The following EML5 variants were observed in gnomAD, a reference collection of about 807,000 sequenced individuals.
EML5 encodes the protein EMAP like 5, also known as echinoderm microtubule-associated protein-like 5.
EML5 carries 120 observed loss-of-function variants against 250.0 expected under a neutral mutation model. The ratio of observed to expected loss-of-function variants is 0.48; its 90% CI spans 0.41 to 0.56. The LOEUF is 0.56. EML5 is among the 20% of genes least tolerant of loss of function. The pLI, the probability that EML5 is intolerant of heterozygous loss-of-function variation, is 0.00. For synonymous variants in EML5, 771 were observed against 806.5 expected, an observed-to-expected ratio of 0.96 and a Z score of 0.75; for missense variants, 2,006 against 2,437.6, an observed-to-expected ratio of 0.82 and a Z score of 3.73.
chr14:88,780,563 T>C (rs1281001854), intron 1 of EML5, among the ~76,000 whole-genome samples: 3 of 151,520 alleles, frequency 2.0e-5, no homozygotes, highest in Non-Finnish European at 4.4e-5. Context: ...AGTTGATGTT[T>C]ATAAAAAATC....
intron 1 of EML5, among the ~76,000 whole-genome samples, chr14:88,790,655 C>G (rs553950541): frequency 1.3e-5 from 2 of 152,282 alleles, no homozygotes; most frequent in South Asian, 4.1e-4. Context: ...TTCAACCTAA[C>G]AGACTAAATT....
chr14:88,615,672 A>C lies in EML5; in HGVS notation c.*146T>G. On this transcript the variant is annotated 3_prime_UTR_variant, in exon 44 of 44. Transcript: ENST00000554922. ...ATATAGCAAATATTTTGAACAGATC[A>C]GTCTTTCACTATTTTGATGATTCTG... The C allele has an allele frequency of 1.4e-6, 1 of 694,880 alleles. No homozygotes were observed. The highest frequency in any genetic ancestry group is 2.4e-6 in the Non-Finnish European group (1 of 414,328). 43.0% of individuals were successfully genotyped at this position (694,880 alleles called of 1,614,324 possible).
chr14:88,686,086 A>G (rs1338534387), intron 19 of EML5, among the ~76,000 whole-genome samples: 1 of 152,168 alleles, frequency 6.6e-6, no homozygotes, highest in Non-Finnish European at 1.5e-5. Context: ...GGGAGCACAG[A>G]GCAGTGGAAT....
chr14:88,792,700 C>T lies in EML5; in HGVS notation c.-197G>A. 8.9e-7 allele frequency: 1 copy of T among 1,121,000 alleles called. No homozygotes were observed. The highest frequency in any genetic ancestry group is 1.1e-6 in the Non-Finnish European group (1 of 918,126). 69.4% of individuals were successfully genotyped at this position (1,121,000 alleles called of 1,614,324 possible). The stretch of plus-strand genomic sequence containing the variant: ...ACAGGCGGGAGGAAAACCCTCGCCT[C>T]GCGGAACATGCTGAGGGCCGCGAGC... On this transcript the variant is annotated 5_prime_UTR_variant, in exon 1 of 44. Coordinates refer to ENST00000554922, the MANE Select transcript of EML5 (RefSeq NM_183387.3). The surrounding 1 kb of genome is among the most constrained non-coding windows in gnomAD (Gnocchi z 6.9).
At chr14:88,736,240 C>T in intron 7 of EML5, 124 bp downstream of exon 7, 1 of 1,015,822 alleles carries the variant, frequency 9.8e-7, no homozygotes, top group Non-Finnish European at 1.5e-6. Context: ...ACCTTGTGAT[C>T]TGCCCGCCTT....
At position 88,702,489 on chromosome 14, in the gene EML5, C is replaced by G. The variant is rs757346010; in HGVS notation, c.2195G>C (p.Cys732Ser). The change falls in exon 14 of 44, where the codon TGC (cysteine) becomes TCC (serine). Residue 732 changes from cysteine (C) to serine (S), a missense_variant. Cys to Ser is a moderately radical substitution (Grantham distance 112). Transcript: ENST00000554922. The part of the protein sequence containing the change: ...FYLGHDDDIL[C>S]LTIHPLKDYV... Reference sequence around the variant, plus strand: ...GTCTTTCAAAGGATGAATAGTTAGGCAGAGAATATCATCATCATGACCCAG... The same window carrying G: ...GTCTTTCAAAGGATGAATAGTTAGGGAGAGAATATCATCATCATGACCCAG... 1.2e-6 allele frequency: 2 copies of G among 1,613,194 alleles called. No homozygotes were observed. The highest frequency in any genetic ancestry group is 1.7e-6 in the Non-Finnish European group (2 of 1,179,514).
At chr14:88,706,939 T>G (rs1008525948) in intron 10 of EML5, among the ~76,000 whole-genome samples, 3 of 152,226 alleles carry the variant, frequency 2.0e-5, no homozygotes, top group Non-Finnish European at 4.4e-5. Flanking sequence ...ATCAATGTAA[T>G]GCATCATATT....
chr14:88,741,078 G>T (rs557236917), intron 4 of EML5, among the ~76,000 whole-genome samples: 1 of 152,018 alleles, frequency 6.6e-6, no homozygotes, highest in African/African-American at 2.4e-5. Flanking sequence ...CACAAGAATC[G>T]CTTGATATCA....
At chr14:88,638,955 C>T in intron 31 of EML5, 48 bp from the exon 32 acceptor site, 1 of 1,385,180 alleles carries the variant, frequency 7.2e-7, no homozygotes, top group Non-Finnish European at 9.9e-7. Context: ...TAAGATGTAA[C>T]AGCCAAAAGC....
At chr14:88,663,844 A>G (rs904167867) in intron 23 of EML5, among the ~76,000 whole-genome samples, 10 of 151,938 alleles carry the variant, frequency 6.6e-5, no homozygotes, top group African/African-American at 2.2e-4. Flanking sequence ...CAACATTTCT[A>G]TATTCTATTT....
chr14:88,755,535 A>G (rs955104232), intron 1 of EML5, among the ~76,000 whole-genome samples: 1 of 152,202 alleles, frequency 6.6e-6, no homozygotes, highest in Non-Finnish European at 1.5e-5. Flanking sequence ...AGTTGGTAAT[A>G]GTTTATGTAC....
intron 1 of EML5, among the ~76,000 whole-genome samples, chr14:88,776,597 T>C (rs769150658): frequency 5.9e-5 from 9 of 151,596 alleles, no homozygotes; most frequent in Non-Finnish European, 1.2e-4. Flanking sequence ...AACAATGAAG[T>C]GGGTCGGGCA....
intron 8 of EML5, among the ~76,000 whole-genome samples, chr14:88,719,297 G>T (rs2093553110): frequency 6.7e-6 from 1 of 150,240 alleles, no homozygotes; most frequent in Non-Finnish European, 1.5e-5. Flanking sequence ...GAGATGGGAG[G>T]ATCGCTTGAG....
At chr14:88,691,838 A>C (rs1284466883) in intron 17 of EML5, among the ~76,000 whole-genome samples, 3 of 152,200 alleles carry the variant, frequency 2.0e-5, no homozygotes, top group African/African-American at 7.2e-5. Flanking sequence ...ATGCTCACCA[A>C]AGCCTTAACA....
chr14:88,717,189 TCAG>T (rs1327827226), intron 8 of EML5, among the ~76,000 whole-genome samples: 2 of 152,170 alleles, frequency 1.3e-5, no homozygotes, highest in Non-Finnish European at 2.9e-5. Context: ...GAGATTTAGC[TCAG>T]CAGAAGATAG....
intron 22 of EML5, 26 bp from the exon 23 acceptor site, chr14:88,664,650 C>A (rs1370753729): frequency 6.3e-7 from 1 of 1,592,340 alleles, no homozygotes; most frequent in Admixed American, 1.8e-5. Context: ...ATTTGCTTGA[C>A]ATTTTCTATC....
intron 13 of EML5, among the ~76,000 whole-genome samples, chr14:88,703,712 A>G (rs753689102): frequency 2.0e-5 from 3 of 152,206 alleles, no homozygotes; most frequent in Non-Finnish European, 4.4e-5. Context: ...TGTTTCTGCC[A>G]AGCTGAAATG....
At chr14:88,640,895 A>G (rs1167750400) in intron 31 of EML5, among the ~76,000 whole-genome samples, 2 of 152,102 alleles carry the variant, frequency 1.3e-5, no homozygotes, top group African/African-American at 4.8e-5. Flanking sequence ...TCCCACAAGA[A>G]CACAAAAGGC....
intron 7 of EML5, among the ~76,000 whole-genome samples, chr14:88,735,778 A>G (rs1266682531): frequency 6.6e-6 from 1 of 152,236 alleles, no homozygotes; most frequent in Non-Finnish European, 1.5e-5. Context: ...ATCTTCCATC[A>G]GTAATGGATT....
Sources: gnomAD v4.1 joint callset for allele counts (sites outside exome capture counted in the v4.1 genomes callset) on GRCh38, gnomAD v4.1.1 for gene constraint, Gnocchi (gnomAD v3.1) non-coding constraint, MANE v1.5 for transcripts, NCBI Gene and HGNC (gene_info 2026-07-23, HGNC 2026-07-21) for gene names.